Variants in PTPRN2 observed in about 807,000 individuals in gnomAD.
PTPRN2 encodes protein tyrosine phosphatase receptor type N2.
PTPRN2 carries 74 observed loss-of-function variants against 118.8 expected under a neutral mutation model. The observed-to-expected ratio is 0.62, with a 90% CI of 0.52 to 0.76. PTPRN2 has a LOEUF of 0.76. Ranked by LOEUF, PTPRN2 falls within the 30% of genes least tolerant of loss-of-function variation. PTPRN2 has a pLI of 0.00. For missense variants in PTPRN2, 1,481 were observed against 1,394.4 expected, an observed-to-expected ratio of 1.06 and a Z score of -0.99; for synonymous variants, 641 against 608.0, an observed-to-expected ratio of 1.05 and a Z score of -0.80.
At chr7:158,490,341 G>A (rs529887825) in intron 1 of PTPRN2, among the ~76,000 whole-genome samples, 1 of 152,338 alleles carries the variant, frequency 6.6e-6, no homozygotes, top group East Asian at 1.9e-4. Context: ...CAGAGACGAA[G>A]ACGGGCAGGA....
intron 6 of PTPRN2, among the ~76,000 whole-genome samples, chr7:158,154,388 C>T (rs1821508881): frequency 6.6e-6 from 1 of 152,218 alleles, no homozygotes; most frequent in Admixed American, 6.5e-5. Flanking sequence ...TTGTCTACTA[C>T]CTGCTAATGC....
At chr7:157,945,758 AAT>A (rs879440893) in intron 11 of PTPRN2, among the ~76,000 whole-genome samples, 19,850 of 150,278 alleles carry the variant, frequency 0.13, 1,405 homozygotes, top group Non-Finnish European at 0.15. Context: ...CAGCTTGGAC[AAT>A]GCCGCCTCCA....
intron 12 of PTPRN2, among the ~76,000 whole-genome samples, chr7:157,772,310 C>CACACAG (rs1802915521): frequency 3.8e-5 from 3 of 79,970 alleles, no homozygotes; most frequent in African/African-American, 3.3e-4. Flanking sequence ...CATACAGACA[C>CACACAG]ACATAGACAC....
chr7:158,062,944 T>C (rs886419403), intron 11 of PTPRN2, among the ~76,000 whole-genome samples: 10 of 152,210 alleles, frequency 6.6e-5, no homozygotes, highest in African/African-American at 2.4e-4. Context: ...GCCCAAAGGC[T>C]GAGGAGTGTG....
At chr7:158,369,514 C>T (rs547188140) in intron 2 of PTPRN2, among the ~76,000 whole-genome samples, 92 of 152,180 alleles carry the variant, frequency 6.0e-4, no homozygotes, top group African/African-American at 2.0e-3. Context: ...ATGGCATCTG[C>T]CTGAACCGAG....
At position 158,273,624 on chromosome 7, in the gene PTPRN2, G is replaced by A. The variant is rs1218663781; in HGVS notation, c.277+43195C>T. ...GAGCCGCAGACACGGGGAGCCGCAG[G>A]CATGGGGGAGCCGCAGACAGACATG... On this transcript the variant is annotated intron_variant, in intron 3 of 22. Transcript: ENST00000389418. Among the ~76,000 whole-genome samples, 8 of 59,870 alleles carry A rather than the reference G, an allele frequency of 1.3e-4. 2 individuals carry two copies. The highest frequency in any genetic ancestry group is 5.6e-4 in the African/African-American group (6 of 10,778). The allele number at this position is 59,870 out of a possible 152,430, so 39.3% of individuals were successfully genotyped here. A position where few individuals can be genotyped will look rare whatever the true frequency, so the allele number is the denominator to read the frequency against.
intron 2 of PTPRN2, among the ~76,000 whole-genome samples, chr7:158,404,347 C>G (rs1813186998): frequency 6.6e-6 from 1 of 152,146 alleles, no homozygotes; most frequent in Non-Finnish European, 1.5e-5. Context: ...GCTGAGGAGA[C>G]AGAGATTCTG....
chr7:158,091,794 TGATA>T lies in PTPRN2; in HGVS notation c.1644-10421_1644-10418del, dbSNP rs567112087. Among the ~76,000 whole-genome samples, 276 of 119,496 alleles carry T rather than the reference TGATA, an allele frequency of 2.3e-3. 1 individual carries two copies. Among genetic ancestry groups the T allele is most frequent in the African/African-American group, 9.0e-3 (262 of 29,238 alleles). 78.4% of individuals were successfully genotyped at this position (119,496 alleles called of 152,430 possible). Reference sequence around the variant, plus strand: ...GATGGTTGGGTGGGTGAAGGATAGGTGATAGATGGATGGGTAGAGAGATGGTTGG... The same window carrying T: ...GATGGTTGGGTGGGTGAAGGATAGGTGATGGATGGGTAGAGAGATGGTTGG... On this transcript the variant is annotated intron_variant, in intron 10 of 22. Transcript: ENST00000389418.
chr7:157,620,926 C>T (rs1417673930), intron 15 of PTPRN2, among the ~76,000 whole-genome samples: 3 of 148,084 alleles, frequency 2.0e-5, no homozygotes, highest in African/African-American at 7.5e-5. Flanking sequence ...TGGCCAGTTT[C>T]CCCCGCCTGT....
At chr7:157,942,097 T>C (rs895116724) in intron 11 of PTPRN2, among the ~76,000 whole-genome samples, 3 of 144,600 alleles carry the variant, frequency 2.1e-5, no homozygotes, top group African/African-American at 5.1e-5. Context: ...GTCCTTGGCC[T>C]ACCCTCCACA....
intron 14 of PTPRN2, among the ~76,000 whole-genome samples, chr7:157,651,730 C>T (rs910508426): frequency 3.3e-5 from 5 of 152,258 alleles, no homozygotes; most frequent in African/African-American, 1.2e-4. Flanking sequence ...AGCCACGTCC[C>T]CGCAGATGAT....
chr7:158,054,837 T>C (rs1809656988), intron 11 of PTPRN2, among the ~76,000 whole-genome samples: 1 of 152,208 alleles, frequency 6.6e-6, no homozygotes, highest in Non-Finnish European at 1.5e-5. Context: ...TTCCCCTCTG[T>C]CCAATCCATC....
chr7:157,719,057 G>C (rs1799092781), intron 12 of PTPRN2, among the ~76,000 whole-genome samples: 1 of 152,146 alleles, frequency 6.6e-6, no homozygotes, highest in Admixed American at 6.5e-5. Context: ...CTCCCCAGGA[G>C]CGTGTTCCCC....
intron 3 of PTPRN2, among the ~76,000 whole-genome samples, chr7:158,276,243 G>GCCCCAACAGGC (rs1798962673): frequency 3.1e-5 from 1 of 32,134 alleles, no homozygotes; most frequent in African/African-American, 7.8e-5. Context: ...CCACATCCCG[G>GCCCCAACAGGC]TCCTGGTAGC....
chr7:157,837,865 G>T (rs1322277628), intron 12 of PTPRN2, among the ~76,000 whole-genome samples: 1 of 152,266 alleles, frequency 6.6e-6, no homozygotes, highest in African/African-American at 2.4e-5. Flanking sequence ...GCCCAGCATA[G>T]GACACACAAG....
Position 157,910,756 on chromosome 7 carries a change from GCAGA to G in PTPRN2, c.1724-12023_1724-12020del, listed in dbSNP as rs372146994. On this transcript the variant is annotated intron_variant, in intron 11 of 22. Coordinates refer to ENST00000389418, the MANE Select transcript of PTPRN2 (RefSeq NM_002847.5). Reference sequence around the variant, plus strand: ...CGCGTGCGCCCCTGCGATCAGCCCAGCAGACAGAGCACGTTCCTGTAACGTGTTG... The same window carrying G: ...CGCGTGCGCCCCTGCGATCAGCCCAGCAGAGCACGTTCCTGTAACGTGTTG... Among the ~76,000 whole-genome samples, 114 of 152,356 alleles carry G rather than the reference GCAGA, an allele frequency of 7.5e-4. 1 individual carries two copies. The highest frequency in any genetic ancestry group is 2.3e-3 in the Admixed American group (35 of 15,306).
At chr7:158,198,299 C>G (rs1222586345) in intron 4 of PTPRN2, among the ~76,000 whole-genome samples, 1 of 152,216 alleles carries the variant, frequency 6.6e-6, no homozygotes, top group African/African-American at 2.4e-5. Flanking sequence ...AATTAACTTG[C>G]ACATTGACTT....
At position 157,585,253 on chromosome 7, in the gene PTPRN2, C is replaced by G. The variant is rs1341158480; in HGVS notation, c.2497-7113G>C. Among the ~76,000 whole-genome samples, 2 of 152,150 alleles carry G rather than the reference C, an allele frequency of 1.3e-5. No homozygotes were observed. The highest frequency in any genetic ancestry group is 2.9e-5 in the Non-Finnish European group (2 of 68,026). Reference sequence around the variant, plus strand: ...GGAGCAGCTGCAGCAACCTCTGGGACTTTTCCACCAGCAGTATTGCCGCCC... The same window carrying G: ...GGAGCAGCTGCAGCAACCTCTGGGAGTTTTCCACCAGCAGTATTGCCGCCC... On this transcript the variant is annotated intron_variant, in intron 17 of 22. Transcript: ENST00000389418. The surrounding 1 kb of genome is among the most constrained non-coding windows in gnomAD (Gnocchi z 5.2).
At chr7:157,991,700 G>C (rs1335549871) in intron 11 of PTPRN2, among the ~76,000 whole-genome samples, 1 of 152,200 alleles carries the variant, frequency 6.6e-6, no homozygotes, top group African/African-American at 2.4e-5. Flanking sequence ...AGCTGCACGG[G>C]GCTGTTCTCA....
Sources: gnomAD v4.1 joint callset for allele counts (sites outside exome capture counted in the v4.1 genomes callset) on GRCh38, gnomAD v4.1.1 for gene constraint, Gnocchi (gnomAD v3.1) non-coding constraint, MANE v1.5 for transcripts, NCBI Gene and HGNC (gene_info 2026-07-23, HGNC 2026-07-21) for gene names.